Variants in KMT2C observed in about 807,000 individuals in gnomAD.
KMT2C encodes histone-lysine N-methyltransferase 2C.
Under a neutral mutation model 507.9 loss-of-function variants are expected in KMT2C, and 88 were observed. The ratio of observed to expected loss-of-function variants is 0.17; its 90% CI spans 0.15 to 0.21. The LOEUF is 0.21. Ranked by LOEUF, KMT2C falls within the 10% of genes least tolerant of loss-of-function variation. The pLI is 1.00. For missense variants in KMT2C, 4,954 were observed against 5,957.8 expected (o/e 0.83, Z 5.55); for synonymous variants, 2,049 against 2,080.8 (o/e 0.98, Z 0.42).
intron 52 of KMT2C, 54 bp downstream of exon 52, chr7:152,147,979 T>G: frequency 6.7e-7 from 1 of 1,481,534 alleles, no homozygotes; most frequent in Non-Finnish European, 9.0e-7. Context: ...ATACATTCAT[T>G]AGCCTGACAT....
At chr7:152,168,331 A>G (rs1024124510) in intron 41 of KMT2C, among the ~76,000 whole-genome samples, 2 of 152,238 alleles carry the variant, frequency 1.3e-5, no homozygotes, top group African/African-American at 4.8e-5. Context: ...AAAGCCAGAA[A>G]AAGCCAGTTG....
chr7:152,291,209 C>T (rs562867165), intron 6 of KMT2C, among the ~76,000 whole-genome samples: 126 of 152,144 alleles, frequency 8.3e-4, no homozygotes, highest in African/African-American at 2.8e-3. Context: ...CATTCCGCAG[C>T]GCAAAAAACT....
chr7:152,271,776 C>T (rs2095978412), intron 7 of KMT2C, among the ~76,000 whole-genome samples: 3 of 151,670 alleles, frequency 2.0e-5, no homozygotes, highest in Admixed American at 2.0e-4. Flanking sequence ...AAGAAACAGC[C>T]CTATGAAACT....
intron 1 of KMT2C, among the ~76,000 whole-genome samples, chr7:152,401,582 T>C (rs2097574025): frequency 6.6e-6 from 1 of 152,146 alleles, no homozygotes; most frequent in Non-Finnish European, 1.5e-5. Context: ...TCCCAGCTAC[T>C]TGGAAGGCTG....
At chr7:152,331,202 G>A (rs1169314160) in intron 2 of KMT2C, among the ~76,000 whole-genome samples, 1 of 152,120 alleles carries the variant, frequency 6.6e-6, no homozygotes, top group Admixed American at 6.5e-5. Context: ...CAGCTACTCA[G>A]GAGGCTGAGA....
chr7:152,359,289 A>G (rs758466817), intron 1 of KMT2C, among the ~76,000 whole-genome samples: 22 of 123,322 alleles, frequency 1.8e-4, no homozygotes, highest in East Asian at 7.4e-4. Context: ...AAAGCAATTG[A>G]AAAAAAAAAA....
At chr7:152,146,271 G>A (rs2091089041) in intron 53 of KMT2C, among the ~76,000 whole-genome samples, 1 of 152,136 alleles carries the variant, frequency 6.6e-6, no homozygotes, top group South Asian at 2.1e-4. Flanking sequence ...TCTGAGGTGG[G>A]AGAAACTTCA....
intron 20 of KMT2C, 34 bp downstream of exon 20, chr7:152,223,981 A>G: frequency 2.1e-6 from 3 of 1,438,524 alleles, no homozygotes; most frequent in Non-Finnish European, 2.9e-6. Context: ...TTCAAAGAGA[A>G]AAGCTTTAAA....
In KMT2C at chr7:152,263,035, G is replaced by C; in HGVS notation, c.1280C>G (p.Thr427Ser). Residue 427 changes from threonine (T) to serine (S), a missense_variant, in exon 9 of 59, where the codon ACC becomes AGC. Physicochemically the swap from Thr to Ser is moderately conservative, Grantham distance 58. Transcript: ENST00000262189. ...CLQPVMKSVP[T>S]NGWKCKNCRI... ...ACTTACTTTGCATTTCCAGCCATTG[G>C]TTGGTACTGATTTCATAACTGGTTG... 6.2e-7 allele frequency: 1 copy of C among 1,611,336 alleles called. No homozygotes were observed. Among genetic ancestry groups the C allele is most frequent in the South Asian group, 1.1e-5 (1 of 90,658 alleles).
intron 57 of KMT2C, 89 bp downstream of exon 57, chr7:152,139,097 G>C (rs1333935916): frequency 7.8e-7 from 1 of 1,289,908 alleles, no homozygotes; most frequent in Non-Finnish European, 1.1e-6. Context: ...AGGCTGCCGT[G>C]AGAGCCTTTC....
intron 1 of KMT2C, among the ~76,000 whole-genome samples, chr7:152,387,838 T>C (rs1387552300): frequency 6.6e-6 from 1 of 152,064 alleles, no homozygotes; most frequent in Admixed American, 6.5e-5. Context: ...CATACACGTC[T>C]TATCTACAAA....
intron 46 of KMT2C, chr7:152,155,071 G>A (rs2091946173): frequency 6.6e-6 from 1 of 152,164 alleles, no homozygotes; most frequent in South Asian, 2.1e-4. Context: ...GAGTCTACCA[G>A]GCCAATTGTG....
rs528471216 is a variant in KMT2C at position 152,203,555 on chromosome 7, T to C, written c.3962-491A>G. On this transcript the variant is annotated intron_variant, in intron 25 of 58. Coordinates refer to ENST00000262189, the MANE Select transcript of KMT2C (RefSeq NM_170606.3). ...GTAGGATATACACATTGTGAAAACATGACGATGAATATGCTAATAAATATG... is the reference window on the plus strand; with the variant it reads ...GTAGGATATACACATTGTGAAAACACGACGATGAATATGCTAATAAATATG... 2.4e-4 allele frequency among the ~76,000 whole-genome samples: 37 copies of C among 152,260 alleles called. No homozygotes were observed. In the East Asian group the frequency reaches 6.6e-3, roughly 27 times the overall value.
At chr7:152,139,367 G>GATCATC in intron 56 of KMT2C, 108 bp from the exon 57 acceptor site, 1 of 953,186 alleles carries the variant, frequency 1.0e-6, no homozygotes, top group Non-Finnish European at 1.7e-6. Flanking sequence ...ACGGCAGCCT[G>GATCATC]ATCATCCTTA....
At chr7:152,342,083 C>CA (rs2129220274) in intron 2 of KMT2C, among the ~76,000 whole-genome samples, 1 of 152,250 alleles carries the variant, frequency 6.6e-6, no homozygotes, top group African/African-American at 2.4e-5. Context: ...ACTGACAAAG[C>CA]AAAAGACCCC....
In KMT2C at chr7:152,163,844, A is replaced by G. The variant is rs767375035; in HGVS notation, c.9751-18T>C. 2 of 1,603,716 alleles carry G rather than the reference A, an allele frequency of 1.2e-6. No individual in the cohort carries two copies. Among genetic ancestry groups the G allele is most frequent in the Non-Finnish European group, 1.7e-6 (2 of 1,170,572 alleles). On this transcript the variant is annotated intron_variant, in intron 42 of 58. Coordinates refer to ENST00000262189, the MANE Select transcript of KMT2C (RefSeq NM_170606.3). ...TTACGAATCTGGAATAACAAAATGC[A>G]TCATTACTCATTTCTATACAGCATA... is the stretch of plus-strand genomic sequence containing the variant.
intron 1 of KMT2C, among the ~76,000 whole-genome samples, chr7:152,417,148 A>G (rs1358597725): frequency 1.3e-5 from 2 of 152,128 alleles, no homozygotes; most frequent in African/African-American, 2.4e-5. Flanking sequence ...AAAATTTTAA[A>G]AAGTTCGTAT....
rs1358618609 is a variant in KMT2C at position 152,162,691 on chromosome 7, A to G, written c.10886T>C (p.Ile3629Thr). ...GATGCCTGGAGTCGGTGGGGCAGTTATATCTGAATGGGGAGTTGATGGAGC... is the reference window on the plus strand; with the variant it reads ...GATGCCTGGAGTCGGTGGGGCAGTTGTATCTGAATGGGGAGTTGATGGAGC... ...TKAPSTPHSD[I>T]TAPPTPGISE... The change falls in exon 43 of 59, where the codon ATA becomes ACA. Residue 3629 changes from isoleucine to threonine, a missense_variant. Transcript: ENST00000262189. 11 of 1,614,056 alleles carry G rather than the reference A, an allele frequency of 6.8e-6. No homozygotes were observed. Among genetic ancestry groups the G allele is most frequent in the Non-Finnish European group, 9.3e-6 (11 of 1,180,034 alleles).
At chr7:152,365,484 C>A (rs951977444) in intron 1 of KMT2C, among the ~76,000 whole-genome samples, 1 of 152,142 alleles carries the variant, frequency 6.6e-6, no homozygotes, top group Admixed American at 6.5e-5. Context: ...CCAGCCTGGG[C>A]GGCAGAGTGA....
Sources: allele counts gnomAD v4.1 joint callset (sites outside exome capture counted in the v4.1 genomes callset), GRCh38; gene constraint gnomAD v4.1.1; transcripts MANE v1.5; gene names NCBI Gene and HGNC (gene_info 2026-07-23, HGNC 2026-07-21).